Variants in CREB5 observed in about 807,000 individuals in gnomAD.
CREB5 encodes the protein cyclic AMP-responsive element-binding protein 5.
CREB5 carries 19 observed loss-of-function variants against 57.1 expected under a neutral mutation model. The ratio of observed to expected loss-of-function variants is 0.33; its 90% CI spans 0.23 to 0.49. The LOEUF is 0.49. Ranked by LOEUF, CREB5 falls within the 20% of genes least tolerant of loss-of-function variation. The pLI is 0.99. For missense variants in CREB5, 579 were observed against 671.6 expected, an observed-to-expected ratio of 0.86 and a Z score of 1.52; for synonymous variants, 238 against 238.3, an observed-to-expected ratio of 1.00 and a Z score of 0.01.
At chr7:28,310,047 G>T (rs186382866) in intron 1 of CREB5, among the ~76,000 whole-genome samples, 230 of 152,248 alleles carry the variant, frequency 1.5e-3, no homozygotes, top group African/African-American at 5.4e-3. Context: ...CTGGGCTTTG[G>T]AGCTAAGCAA....
At chr7:28,642,235 T>C (rs979535020) in intron 5 of CREB5, among the ~76,000 whole-genome samples, 3 of 152,238 alleles carry the variant, frequency 2.0e-5, no homozygotes, top group African/African-American at 7.2e-5. Context: ...GTGGGACCTA[T>C]GCTGATAAAA....
At chr7:28,561,602 C>G (rs1795273846) in intron 4 of CREB5, among the ~76,000 whole-genome samples, 1 of 152,176 alleles carries the variant, frequency 6.6e-6, no homozygotes, top group Non-Finnish European at 1.5e-5. Flanking sequence ...AAGCTATAAG[C>G]TTGCTGAAGA....
chr7:28,499,601 G>A (rs1464632219), intron 3 of CREB5, among the ~76,000 whole-genome samples: 4 of 152,124 alleles, frequency 2.6e-5, no homozygotes, highest in Admixed American at 2.6e-4. Flanking sequence ...GTTTTGTTTT[G>A]AGATGGAGTT....
At chr7:28,373,273 G>T (rs1394846898) in intron 1 of CREB5, among the ~76,000 whole-genome samples, 1 of 152,128 alleles carries the variant, frequency 6.6e-6, no homozygotes, top group African/African-American at 2.4e-5. Flanking sequence ...AGAGATTTCA[G>T]TAAGTTGCTC....
At chr7:28,302,142 A>G (rs1430888097) in intron 1 of CREB5, among the ~76,000 whole-genome samples, 1 of 152,250 alleles carries the variant, frequency 6.6e-6, no homozygotes, top group Non-Finnish European at 1.5e-5. Flanking sequence ...AAAATAACAA[A>G]ATGTGAAATT....
chr7:28,689,455 G>A (rs1055159366), intron 5 of CREB5, among the ~76,000 whole-genome samples: 2 of 152,072 alleles, frequency 1.3e-5, no homozygotes, highest in Non-Finnish European at 2.9e-5. Flanking sequence ...GCGACAAAGC[G>A]AGACTCTGTC....
intron 4 of CREB5, among the ~76,000 whole-genome samples, chr7:28,563,894 C>G (rs759338860): frequency 9.2e-5 from 14 of 152,128 alleles, no homozygotes; most frequent in Non-Finnish European, 1.9e-4. Context: ...GTGCCCTCCT[C>G]TACTCCATGT....
chr7:28,299,509 A>G (rs1033785738), intron 1 of CREB5: 1 of 152,152 alleles, frequency 6.6e-6, no homozygotes, highest in African/African-American at 2.4e-5. Flanking sequence ...AAAAATTCAG[A>G]CCCTCAGTCA....
intron 5 of CREB5, among the ~76,000 whole-genome samples, chr7:28,673,903 G>A (rs199979633): frequency 6.6e-6 from 1 of 151,892 alleles, no homozygotes; most frequent in East Asian, 1.9e-4. Flanking sequence ...CAAACTCCTG[G>A]ACTCAAGTAA....
intron 1 of CREB5, among the ~76,000 whole-genome samples, chr7:28,480,629 A>G (rs1018358051): frequency 6.6e-6 from 1 of 152,208 alleles, no homozygotes; most frequent in Admixed American, 6.5e-5. Flanking sequence ...ATTTGGTTAC[A>G]TTCAATATTT....
rs150256464 is a variant in CREB5, at chr7:28,539,519, G to C, written c.292-30846G>C. ...CCTGTTTCTCAAGATATTAGCAACA[G>C]CCTGTTATCTGGTTCACATCTATAT... On this transcript the variant is annotated intron_variant, in intron 4 of 10. Transcript: ENST00000357727. Among the ~76,000 whole-genome samples the C allele has an allele frequency of 3.5e-3, 540 of 152,306 alleles. 7 individuals carry two copies. The highest frequency in any genetic ancestry group is 0.012 in the African/African-American group (519 of 41,570).
intron 4 of CREB5, among the ~76,000 whole-genome samples, chr7:28,510,398 A>G (rs1018391554): frequency 2.0e-5 from 3 of 151,996 alleles, no homozygotes; most frequent in African/African-American, 4.8e-5. Flanking sequence ...TGGTTCCCTC[A>G]TTAGGTTTTA....
intron 7 of CREB5, among the ~76,000 whole-genome samples, chr7:28,792,618 C>T (rs1402070885): frequency 6.6e-6 from 1 of 152,198 alleles, no homozygotes; most frequent in Non-Finnish European, 1.5e-5. Flanking sequence ...ATGAATGACT[C>T]TTCTTTAAAT....
intron 7 of CREB5, chr7:28,724,719 A>G (rs1270352254): frequency 1.2e-5 from 2 of 161,400 alleles, no homozygotes; most frequent in Non-Finnish European, 2.7e-5. Context: ...CATATTCATT[A>G]AGACAGAAGC....
chr7:28,628,701 T>C (rs1398395611), intron 5 of CREB5, among the ~76,000 whole-genome samples: 1 of 152,190 alleles, frequency 6.6e-6, no homozygotes, highest in Non-Finnish European at 1.5e-5. Context: ...AGAGACAATA[T>C]GCTGCATGTT....
intron 7 of CREB5, among the ~76,000 whole-genome samples, chr7:28,731,314 G>A (rs1245815556): frequency 2.0e-5 from 3 of 152,114 alleles, no homozygotes; most frequent in African/African-American, 7.2e-5. Flanking sequence ...TAAGAGAAGG[G>A]CTAGCAACCA....
At chr7:28,673,685 T>C (rs1304271500) in intron 5 of CREB5, among the ~76,000 whole-genome samples, 1 of 106,632 alleles carries the variant, frequency 9.4e-6, no homozygotes, top group African/African-American at 3.6e-5. Context: ...TTTTTTTTTT[T>C]TGGAGACATT....
At chr7:28,377,204 T>C (rs1183714368) in intron 1 of CREB5, among the ~76,000 whole-genome samples, 4 of 152,192 alleles carry the variant, frequency 2.6e-5, no homozygotes, top group Non-Finnish European at 4.4e-5. Flanking sequence ...CAGAGTTGTA[T>C]TGTCCAATAT....
intron 4 of CREB5, among the ~76,000 whole-genome samples, chr7:28,532,983 A>T (rs943064412): frequency 6.6e-6 from 1 of 152,226 alleles, no homozygotes; most frequent in Non-Finnish European, 1.5e-5. Flanking sequence ...TATGACATAA[A>T]ATGTCCCACA....
Sources: gnomAD v4.1 joint callset for allele counts (sites outside exome capture counted in the v4.1 genomes callset) on GRCh38, gnomAD v4.1.1 for gene constraint, MANE v1.5 for transcripts, NCBI Gene and HGNC (gene_info 2026-07-23, HGNC 2026-07-21) for gene names.